Variants in DPYD observed in about 807,000 individuals in gnomAD.
DPYD encodes dihydropyrimidine dehydrogenase.
DPYD carries 109 observed loss-of-function variants against 116.2 expected under a neutral mutation model. The ratio of observed to expected loss-of-function variants is 0.94; its 90% CI spans 0.80 to 1.10. DPYD has a LOEUF of 1.10. Among genes scored for constraint, DPYD ranks in the 50% least tolerant of loss-of-function variants. DPYD has a pLI of 0.00. For synonymous variants in DPYD, 440 were observed against 432.0 expected (o/e 1.02, Z -0.23); for missense variants, 1,302 against 1,254.5 (o/e 1.04, Z -0.57).
chr1:97,399,877 G>T (rs146592832), intron 14 of DPYD, among the ~76,000 whole-genome samples: 1,957 of 152,086 alleles, frequency 0.013, 24 homozygotes, highest in South Asian at 0.023. Flanking sequence ...CTAGATACAC[G>T]ATCATGTCAT....
chr1:97,611,232 C>G (rs1655924756), intron 8 of DPYD, among the ~76,000 whole-genome samples: 1 of 152,054 alleles, frequency 6.6e-6, no homozygotes, highest in Admixed American at 6.6e-5. Context: ...CAGAGAAACT[C>G]TTGCTTTTAA....
chr1:97,916,843 T>A (rs575620588), intron 1 of DPYD, among the ~76,000 whole-genome samples: 2 of 152,262 alleles, frequency 1.3e-5, no homozygotes, highest in East Asian at 3.9e-4. Flanking sequence ...CCCCCATCTC[T>A]ATTTTAAAAA....
chr1:97,455,595 A>G (rs1172983356), intron 13 of DPYD, among the ~76,000 whole-genome samples: 1 of 151,944 alleles, frequency 6.6e-6, no homozygotes, highest in East Asian at 1.9e-4. Context: ...ACAGAGTCAG[A>G]TTCCATCATT....
At chr1:97,508,399 G>A (rs1647515842) in intron 13 of DPYD, among the ~76,000 whole-genome samples, 1 of 151,976 alleles carries the variant, frequency 6.6e-6, no homozygotes, top group Non-Finnish European at 1.5e-5. Context: ...AACTAGAAAG[G>A]GGGCCAGTGT....
intron 10 of DPYD, among the ~76,000 whole-genome samples, chr1:97,581,546 A>G (rs573898288): frequency 4.0e-5 from 6 of 151,588 alleles, no homozygotes; most frequent in Non-Finnish European, 8.8e-5. Context: ...GTTGAAGACT[A>G]GCCTGGGTAA....
chr1:97,246,352 A>G (rs1028267468), intron 18 of DPYD, among the ~76,000 whole-genome samples: 5 of 152,102 alleles, frequency 3.3e-5, no homozygotes, highest in Admixed American at 1.3e-4. Context: ...CCATGTTCAC[A>G]TGCCCAATTT....
intron 13 of DPYD, 79 bp downstream of exon 13, chr1:97,515,647 A>T: frequency 7.6e-7 from 1 of 1,307,882 alleles, no homozygotes; most frequent in East Asian, 2.5e-5. Context: ...TCTTAGTAAA[A>T]AAAATCCATT....
intron 19 of DPYD, among the ~76,000 whole-genome samples, chr1:97,206,001 A>G (rs1659563932): frequency 6.6e-6 from 1 of 152,050 alleles, no homozygotes; most frequent in South Asian, 2.1e-4. Context: ...GCCTGTAATC[A>G]TGGGCTTGCT....
Position 97,546,045 on chromosome 1 carries a change from G to A in DPYD, c.1524+3515C>T, listed in dbSNP as rs776678849. ...GAATATAAAATCACAGGTGTTAGAT[G>A]ATGAAGACAGCAACAACATCACAGT... On this transcript the variant is annotated intron_variant, in intron 12 of 22. Coordinates refer to ENST00000370192, the MANE Select transcript of DPYD (RefSeq NM_000110.4). 21 of 1,386,794 alleles carry A rather than the reference G, an allele frequency of 1.5e-5. 1 individual carries two copies. Among genetic ancestry groups the A allele is most frequent in the Non-Finnish European group, 2.2e-5 (21 of 973,202 alleles). The allele number at this position is 1,386,794 out of a possible 1,614,324, so 85.9% of individuals were successfully genotyped here.
chr1:97,460,441 T>C (rs998042256), intron 13 of DPYD, among the ~76,000 whole-genome samples: 1 of 152,170 alleles, frequency 6.6e-6, no homozygotes, highest in African/African-American at 2.4e-5. Flanking sequence ...TTGGAGATAC[T>C]GCTATCTGAA....
intron 12 of DPYD, among the ~76,000 whole-genome samples, chr1:97,537,284 C>T (rs1464546634): frequency 6.6e-6 from 1 of 152,148 alleles, no homozygotes; most frequent in Middle Eastern, 3.2e-3. Context: ...TTGAAGGTAG[C>T]TTTAAAATTC....
intron 14 of DPYD, among the ~76,000 whole-genome samples, chr1:97,438,779 T>C (rs1413412028): frequency 6.6e-6 from 1 of 152,090 alleles, no homozygotes; most frequent in South Asian, 2.1e-4. Flanking sequence ...GTGATTTTTT[T>C]GGTTGGTTGT....
At position 97,396,860 on chromosome 1, in the gene DPYD, A is replaced by G. The variant is rs557247717; in HGVS notation, c.1906-14399T>C. ...CTAACTCAGAGCTAACCTCAACTGT[A>G]TCATCCTCAATGATCTCAGAGACAG... On this transcript the variant is annotated intron_variant, in intron 14 of 22. Coordinates refer to ENST00000370192, the MANE Select transcript of DPYD (RefSeq NM_000110.4). Among the ~76,000 whole-genome samples, 3 of 152,140 alleles carry G rather than the reference A, an allele frequency of 2.0e-5. No homozygotes were observed. In the South Asian group the frequency reaches 6.2e-4, roughly 32 times the overall value.
chr1:97,105,651 G>C (rs542573193), intron 20 of DPYD, among the ~76,000 whole-genome samples: 1 of 152,218 alleles, frequency 6.6e-6, no homozygotes, highest in East Asian at 1.9e-4. Context: ...GGATTTGGTA[G>C]CAATTTCCAG....
At chr1:97,740,812 T>C (rs1184705335) in intron 3 of DPYD, among the ~76,000 whole-genome samples, 1 of 152,196 alleles carries the variant, frequency 6.6e-6, no homozygotes, top group East Asian at 1.9e-4. Flanking sequence ...AATACTTGCA[T>C]GCAGTTTTTT....
At chr1:97,680,343 T>G (rs1017166841) in intron 7 of DPYD, among the ~76,000 whole-genome samples, 1 of 152,166 alleles carries the variant, frequency 6.6e-6, no homozygotes, top group Non-Finnish European at 1.5e-5. Flanking sequence ...TATCCCCATT[T>G]AATCCACCAG....
intron 13 of DPYD, among the ~76,000 whole-genome samples, chr1:97,464,168 G>C (rs1181340144): frequency 6.6e-6 from 1 of 151,898 alleles, no homozygotes; most frequent in Non-Finnish European, 1.5e-5. Flanking sequence ...GAACCTGGGA[G>C]GCGGAGGTTG....
intron 8 of DPYD, among the ~76,000 whole-genome samples, chr1:97,665,283 ATT>A (rs1456143780): frequency 6.6e-6 from 1 of 152,164 alleles, no homozygotes; most frequent in Non-Finnish European, 1.5e-5. Flanking sequence ...TTAGAAAATA[ATT>A]TGAGTCCATA....
intron 4 of DPYD, among the ~76,000 whole-genome samples, chr1:97,731,189 G>A (rs1663588241): frequency 6.6e-6 from 1 of 152,004 alleles, no homozygotes; most frequent in African/African-American, 2.4e-5. Context: ...AGACTATTTT[G>A]TGCGAGTTTG....
Sources: gnomAD v4.1 joint callset for allele counts (sites outside exome capture counted in the v4.1 genomes callset) on GRCh38, gnomAD v4.1.1 for gene constraint, MANE v1.5 for transcripts, NCBI Gene and HGNC (gene_info 2026-07-23, HGNC 2026-07-21) for gene names.